The following TENM2 variants were observed in gnomAD, a reference collection of about 807,000 sequenced individuals.
TENM2 encodes the protein teneurin-2.
TENM2 carries 52 observed loss-of-function variants against 245.2 expected under a neutral mutation model. That is an observed-to-expected ratio of 0.21 (90% CI 0.17 to 0.27). The LOEUF is 0.27. TENM2 is among the 10% of genes least tolerant of loss of function. The probability of loss-of-function intolerance (pLI) is 1.00; values close to 1 mark genes in which losing one functional copy is unlikely to be tolerated. For synonymous variants in TENM2, 1,363 were observed against 1,438.9 expected (o/e 0.95, Z 1.19); for missense variants, 3,046 against 3,666.8 (o/e 0.83, Z 4.37).
intron 10 of TENM2, among the ~76,000 whole-genome samples, chr5:168,122,291 C>T (rs983782557): frequency 6.6e-6 from 1 of 152,258 alleles, no homozygotes; most frequent in Admixed American, 6.5e-5. Flanking sequence ...ATACTCCTGC[C>T]TCAGCCTCCC....
the TENM2 span, among the ~76,000 whole-genome samples, chr5:167,255,755 A>C: frequency 1.3e-5 from 2 of 152,188 alleles, no homozygotes; most frequent in African/African-American, 4.8e-5. Flanking sequence ...GAAAATAAAG[A>C]ATATGTCAGT....
chr5:168,245,881 T>C (rs111795565), intron 26 of TENM2, among the ~76,000 whole-genome samples: 3 of 149,182 alleles, frequency 2.0e-5, no homozygotes, highest in Non-Finnish European at 4.4e-5. Context: ...ATTGAAGTCA[T>C]TTTTTTCCCC....
the TENM2 span, among the ~76,000 whole-genome samples, chr5:167,263,759 G>A: frequency 1.3e-5 from 2 of 152,024 alleles, no homozygotes; most frequent in South Asian, 4.2e-4. Flanking sequence ...TATAGTTTGT[G>A]CCACATCTAT....
chr5:168,158,007 C>A (rs552603421), intron 12 of TENM2, among the ~76,000 whole-genome samples: 1 of 152,310 alleles, frequency 6.6e-6, no homozygotes, highest in South Asian at 2.1e-4. Context: ...ACTGCAGCCT[C>A]TGCCTTCCGG....
upstream of TENM2, chr5:167,284,697 A>T (rs143489528): frequency 3.3e-4 from 213 of 651,204 alleles, 1 homozygote; most frequent in African/African-American, 3.7e-3. Context: ...GAGTCAGAGC[A>T]TGAATCAGAA....
the TENM2 span, among the ~76,000 whole-genome samples, chr5:167,021,990 ATTG>A: frequency 2.0e-5 from 3 of 152,190 alleles, no homozygotes; most frequent in Non-Finnish European, 2.9e-5. Flanking sequence ...GCTAGTTACT[ATTG>A]TTGTTGTTTT....
At chr5:167,737,096 G>A (rs942073010) in intron 2 of TENM2, among the ~76,000 whole-genome samples, 5 of 152,286 alleles carry the variant, frequency 3.3e-5, no homozygotes, top group South Asian at 2.1e-4. Context: ...AACTCCTGTC[G>A]CTCCCGATCA....
At chr5:168,209,984 A>G (rs1032901798) in intron 19 of TENM2, among the ~76,000 whole-genome samples, 65 of 152,186 alleles carry the variant, frequency 4.3e-4, no homozygotes, top group Non-Finnish European at 1.5e-5. Flanking sequence ...CAGTGTGAAG[A>G]AGAGCTAATC....
the TENM2 span, among the ~76,000 whole-genome samples, chr5:167,062,481 T>A: frequency 7.0e-6 from 1 of 143,284 alleles, no homozygotes; most frequent in African/African-American, 2.8e-5. Context: ...TCACTAAGAC[T>A]CCATGTCCAA....
chr5:167,295,309 T>C (rs998941285), intron 1 of TENM2, among the ~76,000 whole-genome samples: 1 of 152,262 alleles, frequency 6.6e-6, no homozygotes, highest in Non-Finnish European at 1.5e-5. Flanking sequence ...CACTAGCATG[T>C]TGAGTTGCAC....
chr5:167,034,629 C>CAAAAAAAAAAA, the TENM2 span, among the ~76,000 whole-genome samples: 1 of 72,256 alleles, frequency 1.4e-5, no homozygotes, highest in Non-Finnish European at 2.3e-5. Context: ...GACTCCGTCT[C>CAAAAAAAAAAA]AAAAAAAAAA....
At chr5:168,120,242 A>G (rs998215362) in intron 10 of TENM2, among the ~76,000 whole-genome samples, 1 of 152,176 alleles carries the variant, frequency 6.6e-6, no homozygotes, top group Non-Finnish European at 1.5e-5. Flanking sequence ...TTCTCTATAT[A>G]ATTTTTCCTC....
intron 13 of TENM2, among the ~76,000 whole-genome samples, 183 bp downstream of exon 15, chr5:168,162,940 C>T (rs1027787569): frequency 1.3e-5 from 2 of 152,184 alleles, no homozygotes; most frequent in African/African-American, 4.8e-5. Context: ...CTCTGGGAGA[C>T]ACCGGCTGGA....
the TENM2 span, among the ~76,000 whole-genome samples, chr5:167,174,087 G>C: frequency 1.3e-5 from 2 of 151,104 alleles, no homozygotes; most frequent in African/African-American, 4.9e-5. Flanking sequence ...GTGCAAGGCT[G>C]TGATGTGAAC....
chr5:167,577,734 G>A (rs1774804415), intron 2 of TENM2, among the ~76,000 whole-genome samples: 1 of 151,728 alleles, frequency 6.6e-6, no homozygotes. Context: ...AGTAGCTATC[G>A]AGCGCTGACT....
At chr5:167,102,240 T>A in the TENM2 span, among the ~76,000 whole-genome samples, 3 of 151,682 alleles carry the variant, frequency 2.0e-5, no homozygotes, top group Non-Finnish European at 2.9e-5. Flanking sequence ...AACAAAAAAA[T>A]TAAACATTTA....
intron 2 of TENM2, among the ~76,000 whole-genome samples, chr5:167,526,579 T>G: frequency 6.6e-6 from 1 of 152,076 alleles, no homozygotes; most frequent in Admixed American, 6.6e-5. Flanking sequence ...TTGTTTACGC[T>G]TTGTGATTAC....
rs143161027 is a variant in TENM2, at chr5:167,737,168, C to G, written c.503-138818C>G. ...ACTTAGCCAGTTCCAAGAGCCAGTA[C>G]GTCAAAGCGTTTTTAAATGGACGAG... On this transcript the variant is annotated intron_variant, in intron 2 of 28. Transcript: ENST00000518659. 5.1e-3 allele frequency among the ~76,000 whole-genome samples: 773 copies of G among 152,252 alleles called. 2 individuals are homozygous for G. Among genetic ancestry groups the G allele is most frequent in the African/African-American group, 0.018 (746 of 41,544 alleles).
intron 13 of TENM2, among the ~76,000 whole-genome samples, chr5:168,177,295 A>G (rs534121981): frequency 2.6e-5 from 4 of 152,238 alleles, no homozygotes; most frequent in Non-Finnish European, 5.9e-5. Flanking sequence ...AATGGTTACT[A>G]TACAACAAGT....
Sources: gnomAD v4.1 joint callset for allele counts (sites outside exome capture counted in the v4.1 genomes callset) on GRCh38, gnomAD v4.1.1 for gene constraint, MANE v1.5 for transcripts, NCBI Gene and HGNC (gene_info 2026-07-23, HGNC 2026-07-21) for gene names.